TMEM178A: variants seen among roughly 807,000 people sequenced by gnomAD.
TMEM178A encodes the protein transmembrane protein 178A, also known as transmembrane protein 178.
TMEM178A carries 12 observed loss-of-function variants against 29.1 expected under a neutral mutation model. The observed-to-expected ratio is 0.41, with a 90% CI of 0.26 to 0.67. TMEM178A has a LOEUF of 0.67. Among genes scored for constraint, TMEM178A ranks in the 30% least tolerant of loss-of-function variants. TMEM178A has a pLI of 0.29. For synonymous variants in TMEM178A, 210 were observed against 187.2 expected, an observed-to-expected ratio of 1.12 and a Z score of -0.99; for missense variants, 366 against 419.1, an observed-to-expected ratio of 0.87 and a Z score of 1.11.
chr2:39,706,125 A>C (rs1051539277), intron 2 of TMEM178A, among the ~76,000 whole-genome samples: 6 of 152,250 alleles, frequency 3.9e-5, no homozygotes, highest in African/African-American at 1.4e-4. Flanking sequence ...GTTGGAGGCA[A>C]CTTGTGTCCA....
rs1034065908 is a variant in TMEM178A, at chr2:39,717,095, G to A, written c.738G>A (p.Leu246=). 6.2e-7 allele frequency: 1 copy of A among 1,611,806 alleles called. No individual in the cohort carries two copies. Among genetic ancestry groups the A allele is most frequent in the African/African-American group, 1.4e-5 (1 of 73,954 alleles). The change falls in exon 4 of 4, where the codon CTG becomes CTA. Residue 246 remains leucine (L), a synonymous_variant. Transcript: ENST00000281961. ...GGCTCCCAAAGCTAATTTATAGCCTGCCTGCTGATGTGGAACATGGTTACA... is the reference window on the plus strand; with the variant it reads ...GGCTCCCAAAGCTAATTTATAGCCTACCTGCTGATGTGGAACATGGTTACA... ...LNRLPKLIYS[L]PADVEHGYSW...
At chr2:39,682,282 G>T (rs910010284) in intron 1 of TMEM178A, among the ~76,000 whole-genome samples, 3 of 152,100 alleles carry the variant, frequency 2.0e-5, no homozygotes, top group African/African-American at 4.8e-5. Context: ...ATGACTCAAG[G>T]TTATCAGTGT....
At chr2:39,687,624 G>A (rs1183909315) in intron 1 of TMEM178A, among the ~76,000 whole-genome samples, 1 of 152,184 alleles carries the variant, frequency 6.6e-6, no homozygotes, top group Non-Finnish European at 1.5e-5. Context: ...ACCAAGCAGG[G>A]AAAGGAGCTT....
intron 1 of TMEM178A, among the ~76,000 whole-genome samples, chr2:39,669,162 G>C (rs954728667): frequency 1.2e-4 from 18 of 152,132 alleles, no homozygotes; most frequent in Admixed American, 9.8e-4. Flanking sequence ...GGTGGAAAAA[G>C]GGCTCAAGAA....
At chr2:39,702,740 A>G (rs956531203) in intron 1 of TMEM178A, among the ~76,000 whole-genome samples, 1 of 152,112 alleles carries the variant, frequency 6.6e-6, no homozygotes, top group Admixed American at 6.5e-5. Flanking sequence ...AAAAAATAAA[A>G]AAAAAAGCTT....
At chr2:39,729,974 A>G in the TMEM178A span, among the ~76,000 whole-genome samples, 64 of 152,096 alleles carry the variant, frequency 4.2e-4, 2 homozygotes, top group Non-Finnish European at 7.4e-4. Flanking sequence ...CCAGCTCCCA[A>G]AATAAATTAT....
downstream of TMEM178A, among the ~76,000 whole-genome samples, chr2:39,719,059 G>A (rs370015555): frequency 2.0e-5 from 3 of 152,156 alleles, no homozygotes; most frequent in Non-Finnish European, 4.4e-5. Flanking sequence ...GGAGGATGCC[G>A]GCGACCACAC....
chr2:39,727,369 T>C, the TMEM178A span, among the ~76,000 whole-genome samples: 2 of 152,220 alleles, frequency 1.3e-5, no homozygotes, highest in African/African-American at 4.8e-5. Context: ...CTACTAACAC[T>C]ATGGCAAAAT....
At chr2:39,706,609 T>C (rs911743461) in intron 2 of TMEM178A, among the ~76,000 whole-genome samples, 2 of 147,124 alleles carry the variant, frequency 1.4e-5, no homozygotes, top group Non-Finnish European at 1.5e-5. Flanking sequence ...ACTACCAGGG[T>C]AGTAACCTAC....
At chr2:39,689,304 A>G (rs182435461) in intron 1 of TMEM178A, among the ~76,000 whole-genome samples, 1 of 152,164 alleles carries the variant, frequency 6.6e-6, no homozygotes, top group African/African-American at 2.4e-5. Flanking sequence ...ATGTTTATGG[A>G]TCATCATGTG....
chr2:39,668,694 GATC>G (rs1407631666), intron 1 of TMEM178A, among the ~76,000 whole-genome samples: 1 of 152,142 alleles, frequency 6.6e-6, no homozygotes, highest in African/African-American at 2.4e-5. Flanking sequence ...TAGATTATAG[GATC>G]ATAATTTGTT....
chr2:39,734,241 C>G, the TMEM178A span, among the ~76,000 whole-genome samples: 1 of 152,178 alleles, frequency 6.6e-6, no homozygotes, highest in African/African-American at 2.4e-5. Context: ...CTGCTAAAGC[C>G]AATGGTCAAT....
Position 39,711,460 on chromosome 2 carries a change from C to T in TMEM178A, c.652+4274C>T, listed in dbSNP as rs187631764. On this transcript the variant is annotated intron_variant, in intron 3 of 3. Transcript: ENST00000281961. ...CTCCCTTGGTGGGGGTCTCACTGCT[C>T]ACGAAATTCATTCACCTTCACAGGC... Among the ~76,000 whole-genome samples the T allele has an allele frequency of 2.0e-4, 31 of 152,198 alleles. No homozygotes were observed. The East Asian group carries it at 2.7e-3, about 13-fold the overall frequency.
At chr2:39,722,617 A>C (rs571522860), downstream of TMEM178A, among the ~76,000 whole-genome samples, 15 of 152,292 alleles carry the variant, frequency 9.8e-5, no homozygotes, top group African/African-American at 2.4e-4. Context: ...GGAAAGATGT[A>C]GTGTTTGTGA....
At chr2:39,676,981 C>T (rs1250163215) in intron 1 of TMEM178A, among the ~76,000 whole-genome samples, 2 of 152,106 alleles carry the variant, frequency 1.3e-5, no homozygotes, top group African/African-American at 4.8e-5. Context: ...TCTAAGGAGG[C>T]TTATTTATAA....
intron 1 of TMEM178A, among the ~76,000 whole-genome samples, chr2:39,676,871 A>G (rs529431864): frequency 1.3e-5 from 2 of 152,280 alleles, no homozygotes; most frequent in African/African-American, 4.8e-5. Context: ...ATACTGCCCT[A>G]ATAGACACAT....
intron 1 of TMEM178A, among the ~76,000 whole-genome samples, chr2:39,680,696 C>T (rs1267736370): frequency 2.0e-5 from 3 of 151,924 alleles, no homozygotes; most frequent in African/African-American, 7.3e-5. Flanking sequence ...CCTTAATTGC[C>T]CATTTTAAAT....
the TMEM178A span, among the ~76,000 whole-genome samples, chr2:39,732,383 T>C: frequency 2.6e-5 from 4 of 152,158 alleles, no homozygotes; most frequent in African/African-American, 9.7e-5. Flanking sequence ...AAGCACTGAC[T>C]GCCCCTGCAG....
chr2:39,703,126 A>AT (rs1465329320), intron 1 of TMEM178A, among the ~76,000 whole-genome samples: 3 of 152,168 alleles, frequency 2.0e-5, no homozygotes, highest in Non-Finnish European at 2.9e-5. Flanking sequence ...ATCTATGAAG[A>AT]TTTTTTTAAA....
Sources: allele counts gnomAD v4.1 joint callset (sites outside exome capture counted in the v4.1 genomes callset), GRCh38; gene constraint gnomAD v4.1.1; transcripts MANE v1.5; gene names NCBI Gene and HGNC (gene_info 2026-07-23, HGNC 2026-07-21).